Variants in LRGUK observed in about 807,000 individuals in gnomAD.
The protein encoded by LRGUK is leucine rich repeats and guanylate kinase domain containing, also known as leucine-rich repeat and guanylate kinase domain-containing protein.
LRGUK carries 65 observed loss-of-function variants against 76.0 expected under a neutral mutation model. The ratio of observed to expected loss-of-function variants is 0.85; its 90% CI spans 0.70 to 1.05. The LOEUF (loss-of-function observed/expected upper bound fraction) is 1.05. LRGUK is among the 50% of genes least tolerant of loss of function. LRGUK has a pLI of 0.00. For missense variants in LRGUK, 758 were observed against 732.8 expected, an observed-to-expected ratio of 1.03 and a Z score of -0.40; for synonymous variants, 268 against 265.6, an observed-to-expected ratio of 1.01 and a Z score of -0.09.
chr7:134,135,028 T>C (rs1219570223), intron 1 of LRGUK, among the ~76,000 whole-genome samples: 1 of 152,172 alleles, frequency 6.6e-6, no homozygotes, highest in Non-Finnish European at 1.5e-5. Flanking sequence ...AGACAACAGG[T>C]GGATTAACAG....
intron 7 of LRGUK, among the ~76,000 whole-genome samples, chr7:134,166,599 G>T (rs1798996916): frequency 6.6e-6 from 1 of 152,136 alleles, no homozygotes; most frequent in Non-Finnish European, 1.5e-5. Context: ...ATGGCAGCAT[G>T]GAGAGAACTT....
chr7:134,153,495 A>G (rs1339370505), intron 5 of LRGUK, among the ~76,000 whole-genome samples: 1 of 152,114 alleles, frequency 6.6e-6, no homozygotes, highest in Non-Finnish European at 1.5e-5. Context: ...TTATTTTATG[A>G]TGATAGAATA....
At chr7:134,263,103 A>G (rs1179284566) in intron 19 of LRGUK, among the ~76,000 whole-genome samples, 1 of 149,358 alleles carries the variant, frequency 6.7e-6, no homozygotes, top group Non-Finnish European at 1.5e-5. Context: ...TTGACTTTTC[A>G]TTGGTTTGAT....
At chr7:134,147,273 C>G (rs939567581) in intron 4 of LRGUK, among the ~76,000 whole-genome samples, 6 of 151,542 alleles carry the variant, frequency 4.0e-5, no homozygotes, top group African/African-American at 4.9e-5. Flanking sequence ...ACAACAACAA[C>G]AACAACAACA....
chr7:134,205,718 C>T (rs1423944862), intron 15 of LRGUK, among the ~76,000 whole-genome samples: 1 of 151,842 alleles, frequency 6.6e-6, no homozygotes, highest in East Asian at 1.9e-4. Context: ...AACCAATAAC[C>T]ATTAACTTGA....
chr7:134,153,213 T>A (rs1007375682), intron 5 of LRGUK, among the ~76,000 whole-genome samples: 2 of 151,912 alleles, frequency 1.3e-5, no homozygotes, highest in Middle Eastern at 3.4e-3. Flanking sequence ...TTATTTAAAA[T>A]TAAAAAAATC....
chr7:134,215,510 A>G (rs1252019472), intron 15 of LRGUK, among the ~76,000 whole-genome samples: 6 of 152,166 alleles, frequency 3.9e-5, no homozygotes, highest in East Asian at 1.9e-4. Flanking sequence ...TGGGACAAGG[A>G]TCTGGTGTAT....
At chr7:134,210,092 C>T in exon 16 of LRGUK, 1 of 399,292 alleles carries the variant, frequency 2.5e-6, no homozygotes. Context: ...GGAAAAAAAG[C>T]TCCCCAACCA....
chr7:134,241,760 C>G (rs543099810), intron 16 of LRGUK, among the ~76,000 whole-genome samples: 28 of 152,326 alleles, frequency 1.8e-4, no homozygotes, highest in African/African-American at 6.0e-4. Flanking sequence ...ACATTCTTCT[C>G]AGCACCACAT....
intron 10 of LRGUK, among the ~76,000 whole-genome samples, chr7:134,178,926 CAAAAAAA>C (rs950815389): frequency 2.3e-5 from 1 of 43,570 alleles, no homozygotes; most frequent in African/African-American, 8.5e-5. Flanking sequence ...AGTGAAATCT[CAAAAAAA>C]AAAAAAAAAA....
chr7:134,207,450 T>A lies in LRGUK; in HGVS notation c.1844-1257T>A, dbSNP rs1019560849. ...AAGCTAGTATTTCAGTTTATAACAG[T>A]TATAAACTAGGGAGTTCCAAATGAT... is the stretch of plus-strand genomic sequence containing the variant. On this transcript the variant is annotated intron_variant, in intron 15 of 15. Coordinates refer to ENST00000645682, the Ensembl canonical transcript of LRGUK. Among the ~76,000 whole-genome samples, 3 of 152,202 alleles carry A rather than the reference T, an allele frequency of 2.0e-5. No homozygotes were observed. In the East Asian group the frequency reaches 5.8e-4, roughly 29 times the overall value.
intron 13 of LRGUK, among the ~76,000 whole-genome samples, chr7:134,197,982 A>G (rs1345091422): frequency 6.6e-6 from 1 of 152,214 alleles, no homozygotes; most frequent in Non-Finnish European, 1.5e-5. Flanking sequence ...TAGGCAAATC[A>G]GGTACATAAT....
At chr7:134,199,251 A>G (rs376390384) in exon 14 of LRGUK, 5 of 1,613,710 alleles carry the variant, frequency 3.1e-6, no homozygotes, top group Non-Finnish European at 4.2e-6. Context: ...TCCTATTTTG[A>G]GCCTCGTTAT....
Position 134,224,067 on chromosome 7 carries a change from A to C in LRGUK, c.1983+2149A>C, listed in dbSNP as rs370895707. On this transcript the variant is annotated intron_variant, in intron 16 of 19. Coordinates refer to the LRGUK transcript ENST00000285928. ...TCCTGGGAAATCCAGCTCTTTCCAG[A>C]TCAGCCCACAGCTTTCTCTCCTGCC... 1.1e-3 allele frequency among the ~76,000 whole-genome samples: 166 copies of C among 152,300 alleles called. 3 individuals are homozygous for C. In the South Asian group the frequency reaches 0.032, roughly 29 times the overall value.
intron 5 of LRGUK, among the ~76,000 whole-genome samples, chr7:134,156,280 GTT>G (rs55878837): frequency 3.1e-4 from 47 of 150,332 alleles, no homozygotes; most frequent in African/African-American, 1.1e-3. Flanking sequence ...TTATTAGGTT[GTT>G]TTTTTTTCTA....
In LRGUK at chr7:134,156,533, G is replaced by A. The variant is rs377118268; in HGVS notation, c.671-1502G>A. ...TTGAAGAATGGGTATGGTTTAGAAA[G>A]GAGCAAGAAAAAGAAAGTTCTTGGT... On this transcript the variant is annotated intron_variant, in intron 5 of 15. Transcript: ENST00000645682. Among the ~76,000 whole-genome samples, 172 of 152,272 alleles carry A rather than the reference G, an allele frequency of 1.1e-3. 2 individuals carry two copies. The highest frequency in any genetic ancestry group is 3.9e-3 in the African/African-American group (161 of 41,572).
At chr7:134,194,935 G>C (rs1800417296) in intron 12 of LRGUK, among the ~76,000 whole-genome samples, 1 of 152,148 alleles carries the variant, frequency 6.6e-6, no homozygotes, top group Non-Finnish European at 1.5e-5. Flanking sequence ...AGCTGTGCAG[G>C]AGACCACATT....
downstream of LRGUK, among the ~76,000 whole-genome samples, chr7:134,214,775 AACACACACACACACACACAC>A (rs56096728): frequency 6.8e-6 from 1 of 146,746 alleles, no homozygotes; most frequent in African/African-American, 2.5e-5. Context: ...ATTAAATTTA[AACACACACACACACACACAC>A]ACACACACAC....
chr7:134,204,227 C>A (rs79956644), intron 15 of LRGUK, among the ~76,000 whole-genome samples: 5,891 of 152,216 alleles, frequency 0.039, 238 homozygotes, highest in East Asian at 0.15. Flanking sequence ...TATTCTACAA[C>A]TATCAAGAAC....
Sources: gnomAD v4.1 joint callset for allele counts (sites outside exome capture counted in the v4.1 genomes callset) on GRCh38, gnomAD v4.1.1 for gene constraint, MANE v1.5 for transcripts, NCBI Gene and HGNC (gene_info 2026-07-23, HGNC 2026-07-21) for gene names.